The following PCDH7 variants were observed in gnomAD, a reference collection of about 807,000 sequenced individuals.
PCDH7 encodes protocadherin 7.
In PCDH7, 17 loss-of-function variants were observed where a neutral mutation model predicts 58.9. The ratio of observed to expected loss-of-function variants is 0.29; its 90% confidence interval spans 0.20 to 0.43. The LOEUF (loss-of-function observed/expected upper bound fraction) is 0.43. PCDH7 is among the 20% of genes least tolerant of loss of function. PCDH7 has a pLI of 1.00. For synonymous variants in PCDH7, 664 were observed against 616.4 expected (o/e 1.08, Z -1.14); for missense variants, 1,274 against 1,441.0 (o/e 0.88, Z 1.88).
At chr4:30,748,034 T>G (rs1717996502) in intron 1 of PCDH7, among the ~76,000 whole-genome samples, 1 of 152,224 alleles carries the variant, frequency 6.6e-6, no homozygotes, top group Non-Finnish European at 1.5e-5. Context: ...GTTTAAGCAA[T>G]CAGTTATTTT....
intron 1 of PCDH7, among the ~76,000 whole-genome samples, chr4:30,752,596 A>G: frequency 6.6e-6 from 1 of 150,970 alleles, no homozygotes; most frequent in Non-Finnish European, 1.5e-5. Flanking sequence ...AGGAATGTTA[A>G]CAGTGCACGT....
chr4:31,012,723 A>G (rs898608553), intron 3 of PCDH7, among the ~76,000 whole-genome samples: 27 of 150,726 alleles, frequency 1.8e-4, no homozygotes, highest in African/African-American at 6.3e-4. Flanking sequence ...TTCAATTGAA[A>G]GCAGATGTCC....
intron 1 of PCDH7, among the ~76,000 whole-genome samples, chr4:30,835,358 G>A (rs1003532886): frequency 7.9e-5 from 12 of 152,110 alleles, no homozygotes; most frequent in African/African-American, 2.9e-4. Flanking sequence ...GATTTTCACA[G>A]GAGTGTGAAA....
At chr4:30,906,316 C>A (rs558119174) in intron 1 of PCDH7, among the ~76,000 whole-genome samples, 1 of 152,188 alleles carries the variant, frequency 6.6e-6, no homozygotes, top group Non-Finnish European at 1.5e-5. Context: ...TATTAAAATT[C>A]CCTCATTTTA....
intron 3 of PCDH7, among the ~76,000 whole-genome samples, chr4:31,053,378 CT>C (rs1407639077): frequency 6.6e-6 from 1 of 152,040 alleles, no homozygotes; most frequent in Non-Finnish European, 1.5e-5. Flanking sequence ...TCTGCTGTTT[CT>C]TCAACTTATG....
intron 3 of PCDH7, among the ~76,000 whole-genome samples, chr4:31,020,990 G>C (rs2109169050): frequency 6.6e-6 from 1 of 152,178 alleles, no homozygotes; most frequent in Admixed American, 6.5e-5. Context: ...GTGTGTATTG[G>C]AAGAAAATAT....
chr4:31,029,517 C>A (rs957394852), intron 3 of PCDH7, among the ~76,000 whole-genome samples: 5 of 152,272 alleles, frequency 3.3e-5, no homozygotes, highest in Middle Eastern at 6.8e-3. Flanking sequence ...GCACATTACT[C>A]CAGCATTTTC....
chr4:30,723,141 G>T lies in PCDH7; in HGVS notation c.1719G>T (p.Ser573=), dbSNP rs1168648227. 8.7e-6 allele frequency: 14 copies of T among 1,614,062 alleles called. No homozygotes were observed. Among genetic ancestry groups the T allele is most frequent in the East Asian group, 2.2e-5 (1 of 44,866 alleles). ...GTAAGAACGCCGAGATCGCCTACTCGCTGGACTCCTCTGTGATGGGGATCT... is the reference window on the plus strand; with the variant it reads ...GTAAGAACGCCGAGATCGCCTACTCTCTGGACTCCTCTGTGATGGGGATCT... The change falls in exon 1 of 2, where the codon TCG becomes TCT. Residue 573 remains serine (S), a synonymous_variant. Transcript: ENST00000361762. The surrounding 1 kb of genome is among the most constrained non-coding windows in gnomAD (Gnocchi z 4.6).
At chr4:30,800,367 A>G (rs1192498951) in intron 1 of PCDH7, among the ~76,000 whole-genome samples, 1 of 152,150 alleles carries the variant, frequency 6.6e-6, no homozygotes, top group Non-Finnish European at 1.5e-5. Context: ...CTTCATGTAT[A>G]TGTTTCACAT....
intron 3 of PCDH7, among the ~76,000 whole-genome samples, chr4:31,071,940 A>C (rs1244173999): frequency 6.6e-6 from 1 of 152,092 alleles, no homozygotes; most frequent in Non-Finnish European, 1.5e-5. Flanking sequence ...ATTAGCTCGT[A>C]TAAATAACTA....
At position 30,880,579 on chromosome 4, in the gene PCDH7, CAAACA is replaced by C. The variant is rs200596552; in HGVS notation, c.71-39561_71-39557del. Among the ~76,000 whole-genome samples the C allele has an allele frequency of 6.0e-3, 909 of 152,216 alleles. 8 individuals carry two copies. The highest frequency in any genetic ancestry group is 0.02 in the African/African-American group (829 of 41,554). ...CTACTTTCTGTCATACAACCTGAAG[CAAACA>C]AAACAAAACAAACATAAAAACAGGA... On this transcript the variant is annotated intron_variant, in intron 1 of 3. Coordinates refer to the PCDH7 transcript ENST00000509759.
intron 1 of PCDH7, among the ~76,000 whole-genome samples, chr4:30,852,883 T>G (rs1578050439): frequency 6.6e-6 from 1 of 150,560 alleles, no homozygotes; most frequent in African/African-American, 2.5e-5. Flanking sequence ...TTGATTCGGC[T>G]TCACTGAACA....
intron 1 of PCDH7, among the ~76,000 whole-genome samples, chr4:30,730,074 G>C (rs2109236300): frequency 6.6e-6 from 1 of 151,756 alleles, no homozygotes; most frequent in Non-Finnish European, 1.5e-5. Context: ...AGGATGTGGT[G>C]GTGGAGATTA....
chr4:31,057,909 C>T lies in PCDH7; in HGVS notation c.*8-84564C>T, dbSNP rs558288252. ...AATATGTACATATTCTTTCTAACTG[C>T]CTTTAGAATCATAGAAAGCATGATT... On this transcript the variant is annotated intron_variant, in intron 3 of 3. Transcript: ENST00000509759. Among the ~76,000 whole-genome samples the T allele has an allele frequency of 3.6e-4, 54 of 152,062 alleles. No homozygotes were observed. The South Asian group carries it at 0.011, about 31-fold the overall frequency.
At chr4:30,793,179 C>T (rs1427919743) in intron 1 of PCDH7, among the ~76,000 whole-genome samples, 6 of 151,998 alleles carry the variant, frequency 3.9e-5, no homozygotes, top group African/African-American at 1.2e-4. Context: ...TCCAATTAGT[C>T]CTACCTTAAG....
At chr4:30,730,676 T>A in intron 1 of PCDH7, 1 of 1,045,294 alleles carries the variant, frequency 9.6e-7, no homozygotes, top group Non-Finnish European at 1.4e-6. Flanking sequence ...AGCTTTCCAA[T>A]TGGGCATAAG....
chr4:30,823,672 T>C (rs185083511), intron 1 of PCDH7, among the ~76,000 whole-genome samples: 178 of 152,216 alleles, frequency 1.2e-3, no homozygotes, highest in Non-Finnish European at 1.9e-4. Flanking sequence ...AATCATATTA[T>C]GGAAACACCT....
chr4:30,877,620 T>C (rs1736461288), intron 1 of PCDH7, among the ~76,000 whole-genome samples: 1 of 152,220 alleles, frequency 6.6e-6, no homozygotes, highest in Non-Finnish European at 1.5e-5. Flanking sequence ...CCATTTCTAA[T>C]ATCAGTGCTC....
intron 1 of PCDH7, among the ~76,000 whole-genome samples, chr4:30,839,945 C>T (rs1730992782): frequency 6.6e-6 from 1 of 151,860 alleles, no homozygotes; most frequent in Admixed American, 6.6e-5. Flanking sequence ...TTTCCATTGC[C>T]AAAGCCCTTA....
Sources: allele counts gnomAD v4.1 joint callset (sites outside exome capture counted in the v4.1 genomes callset), GRCh38; gene constraint gnomAD v4.1.1; non-coding constraint Gnocchi (gnomAD v3.1); transcripts MANE v1.5; gene names NCBI Gene and HGNC (gene_info 2026-07-23, HGNC 2026-07-21).